GALNT18: variants seen among roughly 807,000 people sequenced by gnomAD.
GALNT18 encodes GalNAc-transferase 18.
Under a neutral mutation model 69.5 loss-of-function variants are expected in GALNT18, and 44 were observed. That is an observed-to-expected ratio of 0.63 (90% CI 0.50 to 0.81). GALNT18 has a LOEUF of 0.81. Among genes scored for constraint, GALNT18 ranks in the 40% least tolerant of loss-of-function variants. GALNT18 has a pLI of 0.00. For synonymous variants in GALNT18, 364 were observed against 318.2 expected (o/e 1.14, Z -1.53); for missense variants, 715 against 810.0 (o/e 0.88, Z 1.42).
At chr11:11,299,064 T>C (rs1048649788) in intron 9 of GALNT18, among the ~76,000 whole-genome samples, 24 of 152,310 alleles carry the variant, frequency 1.6e-4, no homozygotes, top group African/African-American at 5.5e-4. Flanking sequence ...TGGTGTTCGG[T>C]TGTATAAATT....
chr11:11,276,454 T>C (rs1215848590), intron 10 of GALNT18, among the ~76,000 whole-genome samples: 3 of 152,206 alleles, frequency 2.0e-5, no homozygotes, highest in Non-Finnish European at 4.4e-5. Context: ...TTTCTAAATA[T>C]ACAATCATGT....
chr11:11,560,121 G>GGATAT (rs1858448939), intron 1 of GALNT18, among the ~76,000 whole-genome samples: 1 of 1,590 alleles, frequency 6.3e-4, no homozygotes, highest in Non-Finnish European at 1.4e-3. Flanking sequence ...AGATACAATG[G>GGATAT]GATGGGATGG....
chr11:11,441,816 G>A (rs1274211376), intron 2 of GALNT18, among the ~76,000 whole-genome samples: 1 of 152,136 alleles, frequency 6.6e-6, no homozygotes, highest in African/African-American at 2.4e-5. Flanking sequence ...AGAATTTGTG[G>A]GGCCCAGTGC....
rs10765844 is a variant in GALNT18 at position 11,382,170 on chromosome 11, A to G, written c.596-2906T>C. 0.51 allele frequency among the ~76,000 whole-genome samples: 76,789 copies of G among 151,990 alleles called. 19,872 individuals are homozygous for G. The highest frequency in any genetic ancestry group is 0.71 in the Middle Eastern group (210 of 294). ...TTCCATCCCCAGTTAGTTGCATCCC[A>G]AACATGTGCTGCTGATTAGAAGAGG... On this transcript the variant is annotated intron_variant, in intron 3 of 10. Coordinates refer to ENST00000227756, the MANE Select transcript of GALNT18 (RefSeq NM_198516.3). This position sits in a 1 kb window ranked among gnomAD's most constrained non-coding sequence, Gnocchi z 4.3.
intron 1 of GALNT18, chr11:11,475,213 A>T (rs954080733): frequency 2.0e-5 from 3 of 151,844 alleles, no homozygotes; most frequent in Non-Finnish European, 2.9e-5. Flanking sequence ...ACTTCGTGCC[A>T]TTTCTCTCCA....
intron 9 of GALNT18, among the ~76,000 whole-genome samples, chr11:11,297,046 G>A (rs4375435): frequency 0.3 from 44,820 of 151,886 alleles, 6,627 homozygotes; most frequent in East Asian, 0.37. Context: ...ATGGTCCTCA[G>A]TGGAGGAATG....
At chr11:11,322,170 C>T (rs1849851312) in intron 9 of GALNT18, among the ~76,000 whole-genome samples, 2 of 152,122 alleles carry the variant, frequency 1.3e-5, no homozygotes, top group African/African-American at 4.8e-5. Context: ...GTGTATCTAC[C>T]ATTGTTAGTC....
At position 11,404,612 on chromosome 11, in the gene GALNT18, C is replaced by A. The variant is rs942231780; in HGVS notation, c.596-25348G>T. ...TCCAAACCTAAGCCCTCCGCCCCACCCTGCGTTCTGGAATTCCTCTCAAGC... is the reference window on the plus strand; with the variant it reads ...TCCAAACCTAAGCCCTCCGCCCCACACTGCGTTCTGGAATTCCTCTCAAGC... On this transcript the variant is annotated intron_variant, in intron 3 of 10. Coordinates refer to ENST00000227756, the MANE Select transcript of GALNT18 (RefSeq NM_198516.3). This position sits in a 1 kb window ranked among gnomAD's most constrained non-coding sequence, Gnocchi z 4.5. Among the ~76,000 whole-genome samples, 1 of 152,146 alleles carries A rather than the reference C, an allele frequency of 6.6e-6. No homozygotes were observed. Among genetic ancestry groups the A allele is most frequent in the Non-Finnish European group, 1.5e-5 (1 of 68,038 alleles).
intron 1 of GALNT18, among the ~76,000 whole-genome samples, chr11:11,466,499 G>GT (rs1373082853): frequency 6.6e-6 from 1 of 152,244 alleles, no homozygotes; most frequent in African/African-American, 2.4e-5. Flanking sequence ...TACAACTGAG[G>GT]TTTCCAAAAG....
chr11:11,432,934 G>T lies in GALNT18; in HGVS notation c.429-147C>A, dbSNP rs1310779036. 3 of 701,310 alleles carry T rather than the reference G, an allele frequency of 4.3e-6. No individual in the cohort carries two copies. The African/African-American group carries it at 5.4e-5, about 13-fold the overall frequency. 43.4% of individuals were successfully genotyped at this position (701,310 alleles called of 1,614,324 possible). ...GCCCCTTCTTTGATGCACTTAAGATGAGCCCTAAATGTCCAGCAGAAAGGC... is the reference window on the plus strand; with the variant it reads ...GCCCCTTCTTTGATGCACTTAAGATTAGCCCTAAATGTCCAGCAGAAAGGC... On this transcript the variant is annotated intron_variant, in intron 2 of 10. Coordinates refer to ENST00000227756, the MANE Select transcript of GALNT18 (RefSeq NM_198516.3). This position sits in a 1 kb window ranked among gnomAD's most constrained non-coding sequence, Gnocchi z 5.8.
chr11:11,446,467 C>T (rs1418791490), intron 2 of GALNT18, among the ~76,000 whole-genome samples: 1 of 152,148 alleles, frequency 6.6e-6, no homozygotes, highest in African/African-American at 2.4e-5. Flanking sequence ...AACTAGAGGG[C>T]CCTATTCCTG....
intron 9 of GALNT18, among the ~76,000 whole-genome samples, chr11:11,324,560 C>A (rs1393209981): frequency 1.3e-5 from 2 of 152,164 alleles, no homozygotes; most frequent in African/African-American, 2.4e-5. Context: ...CACATCCATG[C>A]CAACATCTAT....
At chr11:11,422,807 G>A (rs1433674696) in intron 3 of GALNT18, among the ~76,000 whole-genome samples, 1 of 152,068 alleles carries the variant, frequency 6.6e-6, no homozygotes, top group Non-Finnish European at 1.5e-5. Context: ...AGCAGCTGGT[G>A]GCAAGCAATC....
At chr11:11,327,284 T>A in intron 8 of GALNT18, 103 bp from the exon 9 acceptor site, 1 of 855,078 alleles carries the variant, frequency 1.2e-6, no homozygotes, top group Non-Finnish European at 1.9e-6. Context: ...AGATTTCATG[T>A]CCATAATCAG....
In GALNT18 at chr11:11,454,955, G is replaced by C. The variant is rs550309733; in HGVS notation, c.236-6019C>G. 5.9e-5 allele frequency among the ~76,000 whole-genome samples: 9 copies of C among 152,334 alleles called. No individual in the cohort carries two copies. Among genetic ancestry groups the C allele is most frequent in the Admixed American group, 2.6e-4 (4 of 15,300 alleles). Reference sequence around the variant, plus strand: ...AAGCATGACATTTCTGACATTAACAGGCAAACAGGCTGACTCCTTCCTCAT... The same window carrying C: ...AAGCATGACATTTCTGACATTAACACGCAAACAGGCTGACTCCTTCCTCAT... On this transcript the variant is annotated intron_variant, in intron 1 of 10. Coordinates refer to ENST00000227756, the MANE Select transcript of GALNT18 (RefSeq NM_198516.3). This position sits in a 1 kb window ranked among gnomAD's most constrained non-coding sequence, Gnocchi z 4.2.
At chr11:11,448,440 G>A (rs564905649) in intron 2 of GALNT18, among the ~76,000 whole-genome samples, 39 of 152,292 alleles carry the variant, frequency 2.6e-4, no homozygotes, top group Admixed American at 2.4e-3. Context: ...GCAACTAATT[G>A]GGTTAAAATG....
At chr11:11,520,183 G>A (rs1032238039) in intron 1 of GALNT18, among the ~76,000 whole-genome samples, 1 of 152,248 alleles carries the variant, frequency 6.6e-6, no homozygotes, top group Non-Finnish European at 1.5e-5. Flanking sequence ...CTGTTCTGAA[G>A]GCTTTACAGA....
intron 6 of GALNT18, chr11:11,351,864 T>G: frequency 8.9e-7 from 1 of 1,123,104 alleles, no homozygotes; most frequent in Non-Finnish European, 1.3e-6. Flanking sequence ...GTTTCACCCC[T>G]CCCCGCCAGG....
intron 5 of GALNT18, among the ~76,000 whole-genome samples, chr11:11,376,072 C>G (rs1374653133): frequency 6.6e-6 from 1 of 152,080 alleles, no homozygotes; most frequent in Non-Finnish European, 1.5e-5. Context: ...ATAAAGACAC[C>G]CACCGTATCA....
Sources: allele counts gnomAD v4.1 joint callset (sites outside exome capture counted in the v4.1 genomes callset), GRCh38; gene constraint gnomAD v4.1.1; non-coding constraint Gnocchi (gnomAD v3.1); transcripts MANE v1.5; gene names NCBI Gene and HGNC (gene_info 2026-07-23, HGNC 2026-07-21).